GNE: variants seen among roughly 807,000 people sequenced by gnomAD.
GNE encodes the protein bifunctional UDP-N-acetylglucosamine 2-epimerase/N-acetylmannosamine kinase.
A neutral mutation model predicts 61.8 loss-of-function variants in GNE; 41 were observed. The observed-to-expected ratio is 0.66, with a 90% CI of 0.52 to 0.86. The LOEUF is 0.86. GNE is among the 40% of genes least tolerant of loss of function. The pLI, the probability that GNE is intolerant of heterozygous loss-of-function variation, is 0.00. For synonymous variants in GNE, 264 were observed against 326.4 expected (o/e 0.81, Z 2.06); for missense variants, 608 against 909.1 (o/e 0.67, Z 4.26).
At chr9:36,229,581 A>T (rs772589698) in intron 5 of GNE, among the ~76,000 whole-genome samples, 11 of 152,204 alleles carry the variant, frequency 7.2e-5, no homozygotes, top group Non-Finnish European at 1.5e-4. Context: ...CTAAGAAGAG[A>T]AGAGTGGACG....
chr9:36,237,396 A>C (rs765796417), intron 3 of GNE, among the ~76,000 whole-genome samples: 5 of 152,214 alleles, frequency 3.3e-5, no homozygotes, highest in Non-Finnish European at 7.3e-5. Flanking sequence ...AGCATTAAAC[A>C]TATTTCCTAG....
chr9:36,254,692 C>G (rs1442459617), intron 1 of GNE, among the ~76,000 whole-genome samples: 3 of 152,208 alleles, frequency 2.0e-5, no homozygotes, highest in Non-Finnish European at 4.4e-5. Context: ...TGGCTCACGC[C>G]TGTAATCCCA....
chr9:36,226,701 T>G (rs1276354605), intron 7 of GNE, among the ~76,000 whole-genome samples: 2 of 152,224 alleles, frequency 1.3e-5, no homozygotes, highest in Non-Finnish European at 2.9e-5. Flanking sequence ...TTCTAAGTCA[T>G]TAGAGATCAC....
chr9:36,254,423 T>C (rs1026150879), intron 1 of GNE, among the ~76,000 whole-genome samples: 10 of 151,846 alleles, frequency 6.6e-5, no homozygotes, highest in African/African-American at 2.4e-4. Flanking sequence ...TCCTAGCTAT[T>C]TGGGAGGCTG....
At chr9:36,254,024 G>A (rs1007739701) in intron 1 of GNE, among the ~76,000 whole-genome samples, 8 of 151,550 alleles carry the variant, frequency 5.3e-5, no homozygotes, top group Non-Finnish European at 7.4e-5. Context: ...GAGACTGATC[G>A]AGACTCCATT....
chr9:36,243,585 A>G (rs1829739603), intron 3 of GNE, among the ~76,000 whole-genome samples: 2 of 152,132 alleles, frequency 1.3e-5, no homozygotes, highest in South Asian at 4.1e-4. Flanking sequence ...GCTCATGCCT[A>G]TAAACCCAGC....
chr9:36,253,487 A>G (rs1479711984), intron 1 of GNE, among the ~76,000 whole-genome samples: 1 of 151,224 alleles, frequency 6.6e-6, no homozygotes, highest in East Asian at 2.0e-4. Context: ...CATGTTGTCC[A>G]GGCCAGTCTC....
At chr9:36,252,534 A>C (rs1417227681) in intron 1 of GNE, among the ~76,000 whole-genome samples, 1 of 152,232 alleles carries the variant, frequency 6.6e-6, no homozygotes, top group African/African-American at 2.4e-5. Flanking sequence ...TATTCTACCT[A>C]AACTGAGAGC....
Position 36,246,199 on chromosome 9 carries a change from T to A in GNE, c.448A>T (p.Ile150Leu), listed in dbSNP as rs758814313. 1.2e-6 allele frequency: 2 copies of A among 1,614,248 alleles called. No homozygotes were observed. Among genetic ancestry groups the A allele is most frequent in the South Asian group, 2.2e-5 (2 of 91,084 alleles). ...GTIDDSIRHA[I>L]TKLAHYHVCC... ...ACATGATAATGAGCCAGTTTTGTTA[T>A]GGCATGTCTGATAGAGTCATCAATG... The change falls in exon 3 of 12, where the codon ATA (isoleucine) becomes TTA (leucine). Residue 150 changes from isoleucine to leucine, a missense_variant. Coordinates refer to ENST00000642385, the MANE Select transcript of GNE (RefSeq NM_005476.7).
chr9:36,234,249 AG>A, intron 4 of GNE, 117 bp from the exon 5 acceptor site: 2 of 794,886 alleles, frequency 2.5e-6, no homozygotes, highest in Non-Finnish European at 4.4e-6. Context: ...ATCAGTTATT[AG>A]GGAAATAGTA....
intron 9 of GNE, 64 bp from the exon 10 acceptor site, chr9:36,220,084 A>G: frequency 7.8e-7 from 1 of 1,281,824 alleles, no homozygotes; most frequent in African/African-American, 1.5e-5. Context: ...TGATATCACA[A>G]CGCCTCATCT....
intron 1 of GNE, among the ~76,000 whole-genome samples, chr9:36,275,530 A>G (rs1161661540): frequency 6.6e-6 from 1 of 152,234 alleles, no homozygotes; most frequent in Non-Finnish European, 1.5e-5. Flanking sequence ...GTGTGGCCAT[A>G]GAAACCACCA....
chr9:36,230,782 TA>T (rs1421044618), intron 5 of GNE, among the ~76,000 whole-genome samples: 1 of 151,432 alleles, frequency 6.6e-6, no homozygotes, highest in East Asian at 1.9e-4. Context: ...TTTGCAGAGA[TA>T]AAATATCACT....
At chr9:36,267,183 A>C (rs954191935) in intron 1 of GNE, among the ~76,000 whole-genome samples, 2 of 152,236 alleles carry the variant, frequency 1.3e-5, no homozygotes, top group African/African-American at 4.8e-5. Context: ...TAAGATACTT[A>C]TAACTGGAAG....
intron 1 of GNE, among the ~76,000 whole-genome samples, chr9:36,274,603 G>C (rs1204347183): frequency 2.6e-5 from 4 of 151,992 alleles, no homozygotes; most frequent in Admixed American, 2.6e-4. Context: ...CAACTTCTCT[G>C]ACTCATACTT....
chr9:36,251,986 C>CTT (rs34737463), intron 1 of GNE, among the ~76,000 whole-genome samples: 10,423 of 134,102 alleles, frequency 0.078, 553 homozygotes, highest in Non-Finnish European at 0.11. Context: ...ACTATCTGAT[C>CTT]TTTTTTTTTT....
chr9:36,235,213 T>C (rs935967229), intron 4 of GNE, among the ~76,000 whole-genome samples: 1 of 152,224 alleles, frequency 6.6e-6, no homozygotes, highest in African/African-American at 2.4e-5. Flanking sequence ...TTAGGGATAC[T>C]CAAACTGTAG....
At chr9:36,248,208 T>A (rs1731541293) in intron 2 of GNE, among the ~76,000 whole-genome samples, 1 of 152,164 alleles carries the variant, frequency 6.6e-6, no homozygotes, top group Admixed American at 6.6e-5. Context: ...TGATCCTCTT[T>A]GGAGACTGCA....
chr9:36,252,460 C>T (rs1458495638), intron 1 of GNE, among the ~76,000 whole-genome samples: 2 of 152,044 alleles, frequency 1.3e-5, no homozygotes, highest in African/African-American at 2.4e-5. Flanking sequence ...ATTTATTTTA[C>T]AAAGAACAGT....
Sources: allele counts gnomAD v4.1 joint callset (sites outside exome capture counted in the v4.1 genomes callset), GRCh38; gene constraint gnomAD v4.1.1; transcripts MANE v1.5; gene names NCBI Gene and HGNC (gene_info 2026-07-23, HGNC 2026-07-21).